The following IFT172 variants were observed in gnomAD, a reference collection of about 807,000 sequenced individuals.
The protein encoded by IFT172 is intraflagellar transport protein 172 homolog.
Under a neutral mutation model 248.9 loss-of-function variants are expected in IFT172, and 164 were observed. The ratio of observed to expected loss-of-function variants is 0.66; its 90% confidence interval spans 0.58 to 0.75. The LOEUF is 0.75. Among genes scored for constraint, IFT172 ranks in the 30% least tolerant of loss-of-function variants. The pLI, the probability that IFT172 is intolerant of heterozygous loss-of-function variation, is 0.00. For missense variants in IFT172, 1,950 were observed against 2,192.4 expected (o/e 0.89, Z 2.21); for synonymous variants, 729 against 791.6 (o/e 0.92, Z 1.33).
At chr2:27,488,185 C>A (rs952641022) in intron 1 of IFT172, among the ~76,000 whole-genome samples, 1 of 151,732 alleles carries the variant, frequency 6.6e-6, no homozygotes, top group Non-Finnish European at 1.5e-5. Context: ...CAAAGTCTCA[C>A]TCTTGTCCCC....
rs1167583761 is a variant in IFT172 at position 27,477,987 on chromosome 2, G to T, written c.1167+8C>A. ...ATTCCCCACCCTACCCTCAATTTTG[G>T]TTCCTACCTCACTAAGCCGATTAGT... is the stretch of plus-strand genomic sequence containing the variant. On this transcript the variant is annotated splice_region_variant and intron_variant, in intron 11 of 47. Coordinates refer to ENST00000260570, the MANE Select transcript of IFT172 (RefSeq NM_015662.3). 1 of 1,613,912 alleles carries T rather than the reference G, an allele frequency of 6.2e-7. No individual in the cohort carries two copies. Among genetic ancestry groups the T allele is most frequent in the South Asian group, 1.1e-5 (1 of 91,058 alleles).
intron 21 of IFT172, 115 bp downstream of exon 21, chr2:27,461,644 C>A: frequency 6.6e-7 from 1 of 1,515,816 alleles, no homozygotes; most frequent in Non-Finnish European, 9.1e-7. Flanking sequence ...CTCCTCACCA[C>A]ATCAAGTCCA....
chr2:27,461,345 C>T lies in IFT172; in HGVS notation c.2366G>A (p.Arg789Gln), dbSNP rs148237432. 115 of 1,614,020 alleles carry T rather than the reference C, an allele frequency of 7.1e-5. 2 individuals are homozygous for T. The South Asian group carries it at 9.6e-4, about 13-fold the overall frequency. The change falls in exon 22 of 48, where the codon CGA (arginine) becomes CAA (glutamine). Residue 789 changes from arginine to glutamine, a missense_variant. Physicochemically the swap from Arg to Gln is conservative, Grantham distance 43. Around this residue, in one of 3 missense-constraint regions of IFT172, gnomAD observed 1,166 missense variants for 1,254.1 expected, o/e 0.93. Transcript: ENST00000260570. ...PAKAARLVLT[R>Q]EELLANTELV... The stretch of plus-strand genomic sequence containing the variant: ...CTCTGTGTTGGCTAGCAGTTCCTCT[C>T]GGGTCAGCACCAGCCGAGCAGCTTT...
At chr2:27,489,195 T>C (rs992442117) in intron 1 of IFT172, among the ~76,000 whole-genome samples, 1 of 152,242 alleles carries the variant, frequency 6.6e-6, no homozygotes, top group Non-Finnish European at 1.5e-5. Flanking sequence ...CCTCCCCTAG[T>C]GCCCAGCCTC....
At chr2:27,456,401 T>A in intron 30 of IFT172, 110 bp downstream of exon 30, 1 of 1,403,484 alleles carries the variant, frequency 7.1e-7, no homozygotes. Context: ...TTCATGCCAC[T>A]CTATCATGTC....
At chr2:27,489,551 C>A in intron 1 of IFT172, 64 bp downstream of exon 1, 1 of 1,253,664 alleles carries the variant, frequency 8.0e-7, no homozygotes, top group South Asian at 1.2e-5. Flanking sequence ...CATTAAACTT[C>A]AGTTCCCCCA....
At chr2:27,453,567 T>C in intron 34 of IFT172, 54 bp from the exon 35 acceptor site, 1 of 1,610,312 alleles carries the variant, frequency 6.2e-7, no homozygotes. Context: ...GCATGCTCTA[T>C]CCTGTGTATG....
Position 27,454,091 on chromosome 2 carries a change from T to A in IFT172, c.3602A>T (p.Glu1201Val). The change falls in exon 33 of 48, where the codon GAG (glutamate) becomes GTG (valine). Residue 1201 changes from glutamate to valine, a missense_variant. Glu to Val is a moderately radical substitution (Grantham distance 121, BLOSUM62 -2). Coordinates refer to ENST00000260570, the MANE Select transcript of IFT172 (RefSeq NM_015662.3). This position sits in a 1 kb window ranked among gnomAD's most constrained non-coding sequence, Gnocchi z 4.2. ...AEAHDPDSVA[E>V]VLVGQARGAL... ...CCCCCGGGCCTGTCCCACAAGCACC[T>A]CGGCGACACTGTCAGGGTCGTGAGC... 1 of 1,614,006 alleles carries A rather than the reference T, an allele frequency of 6.2e-7. No homozygotes were observed. The highest frequency in any genetic ancestry group is 2.2e-5 in the East Asian group (1 of 44,866).
intron 19 of IFT172, 40 bp from the exon 20 acceptor site, chr2:27,462,833 C>G: frequency 6.3e-7 from 1 of 1,586,958 alleles, no homozygotes; most frequent in Non-Finnish European, 8.7e-7. Flanking sequence ...TCTGTAGGTG[C>G]TGCCATTCTG....
chr2:27,488,892 A>G (rs1360665005), intron 1 of IFT172, among the ~76,000 whole-genome samples: 2 of 152,242 alleles, frequency 1.3e-5, no homozygotes, highest in African/African-American at 4.8e-5. Flanking sequence ...GAAACAAAAA[A>G]TTACCCGGGC....
In IFT172 at chr2:27,445,543, T is replaced by C. The variant is rs959198516; in HGVS notation, c.4915-94A>G. 12 of 1,421,258 alleles carry C rather than the reference T, an allele frequency of 8.4e-6. No individual in the cohort carries two copies. In the East Asian group the frequency reaches 2.8e-4, roughly 34 times the overall value. The allele number at this position is 1,421,258 out of a possible 1,614,324, so 88.0% of individuals were successfully genotyped here. A position where few individuals can be genotyped will look rare whatever the true frequency, so the allele number is the denominator to read the frequency against. ...GAGGAGGGGGTTTGCTAAGCCCTCA[T>C]CCTGTATACCAGCTTTTAGCCACGA... is the stretch of plus-strand genomic sequence containing the variant. On this transcript the variant is annotated intron_variant, in intron 45 of 47. Transcript: ENST00000260570. The surrounding 1 kb of genome is among the most constrained non-coding windows in gnomAD (Gnocchi z 4.4).
At chr2:27,464,442 C>G (rs937189904) in intron 18 of IFT172, among the ~76,000 whole-genome samples, 1 of 152,058 alleles carries the variant, frequency 6.6e-6, no homozygotes, top group South Asian at 2.1e-4. Context: ...TAATTGGAAC[C>G]AAGATTTGAA....
At chr2:27,466,591 A>G (rs1558390401) in intron 16 of IFT172, among the ~76,000 whole-genome samples, 11 of 152,218 alleles carry the variant, frequency 7.2e-5, no homozygotes, top group Admixed American at 7.2e-4. Context: ...ATTCCAAAAA[A>G]ATACATTCAA....
At chr2:27,459,553 A>G (rs1185920559) in intron 24 of IFT172, 31 bp from the exon 25 acceptor site, 3 of 1,612,158 alleles carry the variant, frequency 1.9e-6, no homozygotes, top group Non-Finnish European at 2.5e-6. Flanking sequence ...ATAAATATGT[A>G]GGATGAAAGA....
At chr2:27,474,847 C>T (rs758921852) in intron 14 of IFT172, among the ~76,000 whole-genome samples, 112 of 151,864 alleles carry the variant, frequency 7.4e-4, no homozygotes, top group Non-Finnish European at 1.2e-3. Context: ...TCACTGTGCC[C>T]GGCCTCAAAC....
In IFT172 at chr2:27,463,123, T is replaced by C. The variant is rs1267478654; in HGVS notation, c.1996A>G (p.Ile666Val). Residue 666 changes from isoleucine (I) to valine (V), a missense_variant, in exon 19 of 48, where the codon ATT (isoleucine) becomes GTT (valine). Ile to Val is a conservative substitution (Grantham distance 29, BLOSUM62 3). Around this residue, in one of 3 missense-constraint regions of IFT172, gnomAD observed 1,166 missense variants for 1,254.1 expected, o/e 0.93. Coordinates refer to ENST00000260570, the MANE Select transcript of IFT172 (RefSeq NM_015662.3). ...TATTCCCGGGATACTTGATCTGCAA[T>C]CTCATTGGTCTCATGCAGGAATCGA... ...KARFLHETNE[I>V]ADQVSREYGG... The C allele has an allele frequency of 6.2e-7, 1 of 1,614,150 alleles. No individual in the cohort carries two copies. Among genetic ancestry groups the C allele is most frequent in the Non-Finnish European group, 8.5e-7 (1 of 1,180,032 alleles).
rs778137111 is a variant in IFT172, at chr2:27,461,834, A to G, written c.2118T>C (p.Asn706=). ...ACATGCCCATGGCCTCCTCCACAGC[A>G]TTCTAGGGGAAACAGGCAGAGCAGA... The part of the protein sequence containing the change: ...KLAEMIFLEQ[N]AVEEAMGMYQ... The change falls in exon 21 of 48, where the codon AAT becomes AAC. Residue 706 remains asparagine, a splice_region_variant and synonymous_variant. Coordinates refer to ENST00000260570, the MANE Select transcript of IFT172 (RefSeq NM_015662.3). 3.7e-6 allele frequency: 6 copies of G among 1,614,168 alleles called. No individual in the cohort carries two copies. The South Asian group carries it at 6.6e-5, about 18-fold the overall frequency.
In IFT172 at chr2:27,447,094, C is replaced by T. The variant is rs982401991; in HGVS notation, c.4659+421G>A. Among the ~76,000 whole-genome samples the T allele has an allele frequency of 6.6e-5, 10 of 152,302 alleles. No homozygotes were observed. In the South Asian group the frequency reaches 8.3e-4, roughly 13 times the overall value. ...CTGGCCTCAAGTGATCCACCCGCCTCGGCCTCCCAAAGTGCTGGGATTACA... is the reference window on the plus strand; with the variant it reads ...CTGGCCTCAAGTGATCCACCCGCCTTGGCCTCCCAAAGTGCTGGGATTACA... On this transcript the variant is annotated intron_variant, in intron 42 of 47. Transcript: ENST00000260570.
At chr2:27,469,334 A>G (rs1310075196) in intron 16 of IFT172, among the ~76,000 whole-genome samples, 6 of 152,162 alleles carry the variant, frequency 3.9e-5, no homozygotes, top group African/African-American at 1.4e-4. Context: ...TGGAGGTTGC[A>G]ATGAGCCAAG....
Sources: gnomAD v4.1 joint callset for allele counts (sites outside exome capture counted in the v4.1 genomes callset) on GRCh38, gnomAD v4.1.1 for gene constraint, gnomAD v4.1.1 regional missense constraint, Gnocchi (gnomAD v3.1) non-coding constraint, MANE v1.5 for transcripts, NCBI Gene and HGNC (gene_info 2026-07-23, HGNC 2026-07-21) for gene names.